Variants in ENTPD1 observed in about 807,000 individuals in gnomAD.
The protein encoded by ENTPD1 is ATP diphosphohydrolase.
A neutral mutation model predicts 57.0 loss-of-function variants in ENTPD1; 33 were observed. The observed-to-expected ratio is 0.58, with a 90% CI of 0.44 to 0.77. The LOEUF is 0.77. Among genes scored for constraint, ENTPD1 ranks in the 30% least tolerant of loss-of-function variants. The pLI, the probability that ENTPD1 is intolerant of heterozygous loss-of-function variation, is 0.00. For missense variants in ENTPD1, 501 were observed against 603.4 expected, an observed-to-expected ratio of 0.83 and a Z score of 1.78; for synonymous variants, 202 against 218.8, an observed-to-expected ratio of 0.92 and a Z score of 0.68.
chr10:95,709,497 C>T (rs1566082963), upstream of ENTPD1, among the ~76,000 whole-genome samples: 1 of 152,156 alleles, frequency 6.6e-6, no homozygotes, highest in East Asian at 1.9e-4. Flanking sequence ...GATTCTTCTG[C>T]CTCAGCCTCC....
intron 1 of ENTPD1, among the ~76,000 whole-genome samples, chr10:95,796,206 C>A (rs1566158338): frequency 6.6e-6 from 1 of 152,192 alleles, no homozygotes; most frequent in Non-Finnish European, 1.5e-5. Context: ...TTGCTGGGCT[C>A]TGGAGAGGCA....
In ENTPD1 at chr10:95,867,134, T is replaced by C. The variant is rs920078073; in HGVS notation, c.*751T>C. ...GGCTTACTATGAGGTAGGTGGTATATACATGTCACAAATAAAAATACAGTT... is the reference window on the plus strand; with the variant it reads ...GGCTTACTATGAGGTAGGTGGTATACACATGTCACAAATAAAAATACAGTT... On this transcript the variant is annotated 3_prime_UTR_variant, in exon 10 of 10. Coordinates refer to ENST00000371205, the MANE Select transcript of ENTPD1 (RefSeq NM_001776.6). 3.0e-6 allele frequency: 3 copies of C among 985,376 alleles called. No homozygotes were observed. In the African/African-American group the frequency reaches 5.2e-5, roughly 17 times the overall value. The allele number at this position is 985,376 out of a possible 1,614,324, so 61.0% of individuals were successfully genotyped here. A position where few individuals can be genotyped will look rare whatever the true frequency, so the allele number is the denominator to read the frequency against.
In ENTPD1 at chr10:95,870,249, C is replaced by T. The variant is rs1199530618; in HGVS notation, c.*3866C>T. 1.5e-5 allele frequency: 15 copies of T among 985,156 alleles called. No individual in the cohort carries two copies. Among genetic ancestry groups the T allele is most frequent in the African/African-American group, 1.7e-5 (1 of 57,222 alleles). 61.0% of individuals were successfully genotyped at this position (985,156 alleles called of 1,614,324 possible). A position where few individuals can be genotyped will look rare whatever the true frequency, so the allele number is the denominator to read the frequency against. On this transcript the variant is annotated 3_prime_UTR_variant, in exon 10 of 10. Transcript: ENST00000371205. ...TTTAAAGATTAATTCTTGATGCTTA[C>T]ATTCCATACTCAAAATGTAAATTTG...
At position 95,874,203 on chromosome 10, in the gene ENTPD1, T is replaced by A. The variant is rs1289591779; in HGVS notation, c.*7820T>A. On this transcript the variant is annotated 3_prime_UTR_variant, in exon 10 of 10. Coordinates refer to ENST00000371205, the MANE Select transcript of ENTPD1 (RefSeq NM_001776.6). ...TGAGACAAGGCAAGTCCCTTCCACT[T>A]ACAAGCCTGTAAAAGCAAGCTAGTT... is the stretch of plus-strand genomic sequence containing the variant. Among the ~76,000 whole-genome samples, 3 of 152,172 alleles carry A rather than the reference T, an allele frequency of 2.0e-5. No individual in the cohort carries two copies. The highest frequency in any genetic ancestry group is 4.4e-5 in the Non-Finnish European group (3 of 68,034).
intron 1 of ENTPD1, among the ~76,000 whole-genome samples, chr10:95,749,231 T>C (rs565429552): frequency 1.6e-4 from 24 of 152,244 alleles, no homozygotes; most frequent in Non-Finnish European, 1.9e-4. Context: ...CAAAGGGAGG[T>C]TGAGTGTTGC....
At chr10:95,761,403 G>C (rs2098061821) in intron 1 of ENTPD1, among the ~76,000 whole-genome samples, 1 of 152,138 alleles carries the variant, frequency 6.6e-6, no homozygotes, top group Admixed American at 6.5e-5. Context: ...GTTCCCAGGC[G>C]ATGATAATGC....
chr10:95,760,196 A>G (rs1440786182), intron 1 of ENTPD1, among the ~76,000 whole-genome samples: 1 of 152,164 alleles, frequency 6.6e-6, no homozygotes, highest in East Asian at 1.9e-4. Flanking sequence ...ATAATAATAC[A>G]AGAGAAAGTG....
chr10:95,835,629 C>A (rs554284613), intron 2 of ENTPD1, among the ~76,000 whole-genome samples: 14 of 152,316 alleles, frequency 9.2e-5, no homozygotes, highest in African/African-American at 2.4e-4. Context: ...AATAGCCATT[C>A]TGACTGGTAT....
At position 95,813,117 on chromosome 10, in the gene ENTPD1, C is replaced by T. The variant is rs555361726; in HGVS notation, c.17-10120C>T. Among the ~76,000 whole-genome samples the T allele has an allele frequency of 2.0e-5, 3 of 152,188 alleles. No homozygotes were observed. In the South Asian group the frequency reaches 6.2e-4, roughly 32 times the overall value. ...TACAAATTTTGAAGAGAAGAGGAGA[C>T]TTTATTTCTTATAAAAGGTTACAGC... On this transcript the variant is annotated intron_variant, in intron 1 of 9. Transcript: ENST00000371205.
chr10:95,756,193 G>T lies in ENTPD1; in HGVS notation c.-47G>T, dbSNP rs545239575. 23 of 1,577,858 alleles carry T rather than the reference G, an allele frequency of 1.5e-5. No homozygotes were observed. The highest frequency in any genetic ancestry group is 1.1e-4 in the African/African-American group (8 of 73,690). ...GACGGACCACAGCAAGCAGAGGCTG[G>T]GGGGGGGAAAGACGAGGAAAGAGGA... On this transcript the variant is annotated 5_prime_UTR_variant, in exon 1 of 10. Transcript: ENST00000371205.
chr10:95,713,047 A>G (rs2139809268), intron 1 of ENTPD1, among the ~76,000 whole-genome samples: 1 of 152,056 alleles, frequency 6.6e-6, no homozygotes, highest in Admixed American at 6.5e-5. Flanking sequence ...AAAAAAAAAA[A>G]AAAAATAGGC....
chr10:95,866,274 C>T lies in ENTPD1; in HGVS notation c.1424C>T (p.Ser475Phe), dbSNP rs768429877. Reference protein sequence around the residue: ...EQPLSTPLSHSTYVFLMVLFS... With the variant: ...EQPLSTPLSHFTYVFLMVLFS... Reference sequence around the variant, plus strand: ...CCATTGTCCACACCTCTCTCCCACTCCACCTATGTCTTCCTCATGGTTCTA... The same window carrying T: ...CCATTGTCCACACCTCTCTCCCACTTCACCTATGTCTTCCTCATGGTTCTA... Residue 475 changes from serine (S) to phenylalanine (F), a missense_variant, in exon 10 of 10, where the codon TCC becomes TTC. Coordinates refer to ENST00000371205, the MANE Select transcript of ENTPD1 (RefSeq NM_001776.6). 1.2e-6 allele frequency: 2 copies of T among 1,614,096 alleles called. No individual in the cohort carries two copies. Among genetic ancestry groups the T allele is most frequent in the Non-Finnish European group, 8.5e-7 (1 of 1,180,044 alleles).
intron 7 of ENTPD1, among the ~76,000 whole-genome samples, chr10:95,859,132 A>G (rs909610449): frequency 2.0e-5 from 3 of 152,234 alleles, no homozygotes; most frequent in Non-Finnish European, 4.4e-5. Context: ...CACTTATGTT[A>G]TTAGATATAT....
At chr10:95,780,976 A>G (rs1392430408) in intron 1 of ENTPD1, among the ~76,000 whole-genome samples, 3 of 152,238 alleles carry the variant, frequency 2.0e-5, no homozygotes, top group Non-Finnish European at 2.9e-5. Flanking sequence ...TCGTTGCAGC[A>G]TTATTCACAA....
intron 1 of ENTPD1, among the ~76,000 whole-genome samples, chr10:95,790,659 G>C (rs2098200225): frequency 2.0e-5 from 3 of 151,622 alleles, no homozygotes; most frequent in Non-Finnish European, 4.4e-5. Flanking sequence ...TGCTGTTTTT[G>C]GAATATTTTA....
intron 1 of ENTPD1, chr10:95,712,046 G>T (rs2097966128): frequency 5.0e-6 from 8 of 1,612,002 alleles, no homozygotes; most frequent in Middle Eastern, 1.7e-4. Flanking sequence ...TGTGGAATCT[G>T]GTAGAGCCGA....
chr10:95,806,255 T>C (rs2098271993), intron 1 of ENTPD1, among the ~76,000 whole-genome samples: 1 of 152,252 alleles, frequency 6.6e-6, no homozygotes, highest in East Asian at 1.9e-4. Context: ...CTTCAATCAT[T>C]GATACCCTTT....
Position 95,873,671 on chromosome 10 carries a change from A to C in ENTPD1, c.*7288A>C. ...AAACAGCTAATCATGTTCAATAGTT[A>C]CATTTAGATTGGTTTTTAAAAACTA... is the stretch of plus-strand genomic sequence containing the variant. On this transcript the variant is annotated 3_prime_UTR_variant, in exon 10 of 10. Coordinates refer to ENST00000371205, the MANE Select transcript of ENTPD1 (RefSeq NM_001776.6). 1.0e-6 allele frequency: 1 copy of C among 985,352 alleles called. No individual in the cohort carries two copies. The highest frequency in any genetic ancestry group is 1.2e-6 in the Non-Finnish European group (1 of 829,880). 61.0% of individuals were successfully genotyped at this position (985,352 alleles called of 1,614,324 possible).
rs2098474566 is a variant in ENTPD1, at chr10:95,866,393, C to G, written c.*10C>G. 6.2e-7 allele frequency: 1 copy of G among 1,613,940 alleles called. No individual in the cohort carries two copies. Among genetic ancestry groups the G allele is most frequent in the Non-Finnish European group, 8.5e-7 (1 of 1,180,012 alleles). ...GAAAGATATGGTATAGCAAAAGCAG[C>G]TGAAATATGCTGGCTGGAGTGAGGA... On this transcript the variant is annotated 3_prime_UTR_variant, in exon 10 of 10. Coordinates refer to ENST00000371205, the MANE Select transcript of ENTPD1 (RefSeq NM_001776.6).
Sources: gnomAD v4.1 joint callset for allele counts (sites outside exome capture counted in the v4.1 genomes callset) on GRCh38, gnomAD v4.1.1 for gene constraint, MANE v1.5 for transcripts, NCBI Gene and HGNC (gene_info 2026-07-23, HGNC 2026-07-21) for gene names.